LRGUK: variants seen among roughly 807,000 people sequenced by gnomAD.
The protein encoded by LRGUK is leucine-rich repeat and guanylate kinase domain-containing protein.
Under a neutral mutation model 76.0 loss-of-function variants are expected in LRGUK, and 65 were observed. The observed-to-expected ratio is 0.85, with a 90% CI of 0.70 to 1.05. The LOEUF is 1.05. Among genes scored for constraint, LRGUK ranks in the 50% least tolerant of loss-of-function variants. LRGUK has a pLI of 0.00. For missense variants in LRGUK, 758 were observed against 732.8 expected, an observed-to-expected ratio of 1.03 and a Z score of -0.40; for synonymous variants, 268 against 265.6, an observed-to-expected ratio of 1.01 and a Z score of -0.09.
At chr7:134,251,445 T>C (rs894160483) in intron 18 of LRGUK, among the ~76,000 whole-genome samples, 1 of 152,156 alleles carries the variant, frequency 6.6e-6, no homozygotes, top group South Asian at 2.1e-4. Flanking sequence ...ACACCTTGAT[T>C]TTGGACTTTA....
At chr7:134,171,522 T>A (rs1365998788) in intron 7 of LRGUK, among the ~76,000 whole-genome samples, 1 of 152,016 alleles carries the variant, frequency 6.6e-6, no homozygotes, top group Admixed American at 6.6e-5. Flanking sequence ...TCCCTTTAGA[T>A]CTGGATGGTG....
chr7:134,183,344 A>C (rs1744212934), intron 10 of LRGUK, among the ~76,000 whole-genome samples: 1 of 152,248 alleles, frequency 6.6e-6, no homozygotes, highest in Non-Finnish European at 1.5e-5. Context: ...TTGGCTTTGC[A>C]TACCTGCATT....
the LRGUK span, among the ~76,000 whole-genome samples, chr7:134,273,731 T>C: frequency 6.6e-6 from 1 of 152,200 alleles, no homozygotes; most frequent in South Asian, 2.1e-4. Context: ...AAATATGTTA[T>C]TTTACTGATT....
At chr7:134,143,871 GT>G (rs1489816713) in intron 4 of LRGUK, among the ~76,000 whole-genome samples, 1 of 151,568 alleles carries the variant, frequency 6.6e-6, no homozygotes, top group African/African-American at 2.4e-5. Context: ...TAGGTCTGGG[GT>G]GGGGCCTGAG....
chr7:134,222,767 C>A (rs1801633946), intron 16 of LRGUK, among the ~76,000 whole-genome samples: 1 of 152,074 alleles, frequency 6.6e-6, no homozygotes, highest in South Asian at 2.1e-4. Context: ...CGCCACCATG[C>A]CTAGCTAATT....
At chr7:134,138,889 C>G in intron 2 of LRGUK, among the ~76,000 whole-genome samples, 1 of 152,166 alleles carries the variant, frequency 6.6e-6, no homozygotes, top group East Asian at 1.9e-4. Context: ...CCTCTCTGTA[C>G]CTCACATCCC....
At chr7:134,175,762 C>G (rs772698359) in intron 8 of LRGUK, among the ~76,000 whole-genome samples, 1 of 152,142 alleles carries the variant, frequency 6.6e-6, no homozygotes, top group Non-Finnish European at 1.5e-5. Flanking sequence ...TATCTAATGT[C>G]TTTCCCCTCA....
intron 11 of LRGUK, among the ~76,000 whole-genome samples, chr7:134,187,854 T>C (rs1463286163): frequency 2.6e-5 from 4 of 152,232 alleles, no homozygotes. Flanking sequence ...TTCTTAGATC[T>C]CTATTTTATA....
At chr7:134,160,915 A>C (rs1798700098) in intron 6 of LRGUK, among the ~76,000 whole-genome samples, 1 of 152,224 alleles carries the variant, frequency 6.6e-6, no homozygotes, top group Non-Finnish European at 1.5e-5. Context: ...TTGGTTTTTC[A>C]GCATTGGATG....
chr7:134,209,014 G>A (rs1330225759), exon 16 of LRGUK: 4 of 399,088 alleles, frequency 1.0e-5, no homozygotes, highest in Non-Finnish European at 1.8e-5. Flanking sequence ...TAAACCCAAC[G>A]GAAGAGGATG....
chr7:134,212,957 C>T (rs762880047), downstream of LRGUK, among the ~76,000 whole-genome samples: 16 of 152,174 alleles, frequency 1.1e-4, no homozygotes, highest in South Asian at 4.1e-4. Flanking sequence ...ACACTGAATT[C>T]GGCCTGGGAT....
In LRGUK at chr7:134,135,858, G is replaced by A. The variant is rs142555620; in HGVS notation, c.298-1165G>A. Reference sequence around the variant, plus strand: ...TTTTTAGTAGAGACGGGGTTTCACCGTGTTAGCCAGGATGGTCTCGATCTC... The same window carrying A: ...TTTTTAGTAGAGACGGGGTTTCACCATGTTAGCCAGGATGGTCTCGATCTC... On this transcript the variant is annotated intron_variant, in intron 1 of 15. Coordinates refer to ENST00000645682, the Ensembl canonical transcript of LRGUK. Among the ~76,000 whole-genome samples the A allele has an allele frequency of 1.8e-3, 277 of 152,214 alleles. 1 individual carries two copies. The highest frequency in any genetic ancestry group is 5.5e-3 in the African/African-American group (228 of 41,546).
chr7:134,219,111 A>T (rs1046565148), intron 15 of LRGUK, among the ~76,000 whole-genome samples: 1 of 152,238 alleles, frequency 6.6e-6, no homozygotes, highest in African/African-American at 2.4e-5. Flanking sequence ...CTTGAATAAA[A>T]TCACATTAAG....
At chr7:134,220,581 T>C (rs1801564810) in intron 15 of LRGUK, among the ~76,000 whole-genome samples, 1 of 147,776 alleles carries the variant, frequency 6.8e-6, no homozygotes. Context: ...TTCTTCTTCT[T>C]TTTTTTTTTT....
intron 1 of LRGUK, among the ~76,000 whole-genome samples, chr7:134,129,954 AC>A (rs1371020956): frequency 2.6e-5 from 4 of 151,694 alleles, no homozygotes; most frequent in Non-Finnish European, 5.9e-5. Context: ...CCCTTCTCTA[AC>A]CTGCGGTGTC....
At chr7:134,225,699 T>C (rs946523143) in intron 16 of LRGUK, among the ~76,000 whole-genome samples, 20 of 152,238 alleles carry the variant, frequency 1.3e-4, no homozygotes, top group African/African-American at 4.8e-4. Context: ...GTGCCTCATT[T>C]TTCTTTTAAA....
exon 14 of LRGUK, chr7:134,199,317 G>A (rs773815728): frequency 1.1e-5 from 17 of 1,613,706 alleles, no homozygotes; most frequent in African/African-American, 2.7e-5. Context: ...CGGAGAAAAG[G>A]ATTATTCAGT....
At chr7:134,247,907 A>G (rs1426751280) in intron 17 of LRGUK, among the ~76,000 whole-genome samples, 1 of 152,208 alleles carries the variant, frequency 6.6e-6, no homozygotes, top group African/African-American at 2.4e-5. Flanking sequence ...ACGGGTGATT[A>G]ATCTGGAGTT....
At chr7:134,200,660 T>C (rs1800731871) in intron 14 of LRGUK, among the ~76,000 whole-genome samples, 1 of 152,216 alleles carries the variant, frequency 6.6e-6, no homozygotes, top group South Asian at 2.1e-4. Flanking sequence ...TTTTGACCTA[T>C]GAAAACAGCA....
Sources: allele counts gnomAD v4.1 joint callset (sites outside exome capture counted in the v4.1 genomes callset), GRCh38; gene constraint gnomAD v4.1.1; transcripts MANE v1.5; gene names NCBI Gene and HGNC (gene_info 2026-07-23, HGNC 2026-07-21).